The following CLYBL variants were observed in gnomAD, a reference collection of about 807,000 sequenced individuals.
The protein encoded by CLYBL is citramalyl-CoA lyase.
Under a neutral mutation model 38.9 loss-of-function variants are expected in CLYBL, and 31 were observed. The ratio of observed to expected loss-of-function variants is 0.80; its 90% CI spans 0.60 to 1.08. CLYBL has a LOEUF of 1.08. Ranked by LOEUF, CLYBL falls within the 50% of genes least tolerant of loss-of-function variation. CLYBL has a pLI of 0.00. For missense variants in CLYBL, 434 were observed against 411.6 expected (o/e 1.05, Z -0.47); for synonymous variants, 171 against 158.6 (o/e 1.08, Z -0.59).
chr13:99,835,206 A>T (rs1437008631), intron 2 of CLYBL, among the ~76,000 whole-genome samples: 1 of 152,244 alleles, frequency 6.6e-6, no homozygotes, highest in Non-Finnish European at 1.5e-5. Context: ...GTGCAGGCTA[A>T]GCTGCTACAA....
At chr13:99,684,476 TTAAA>T (rs2047789050) in intron 1 of CLYBL, among the ~76,000 whole-genome samples, 1 of 152,050 alleles carries the variant, frequency 6.6e-6, no homozygotes, top group African/African-American at 2.4e-5. Flanking sequence ...AACAAAAAAT[TTAAA>T]TAGAAAAGCT....
At chr13:99,651,022 C>T (rs115297943) in intron 1 of CLYBL, among the ~76,000 whole-genome samples, 2,079 of 152,322 alleles carry the variant, frequency 0.014, 51 homozygotes, top group African/African-American at 0.047. Context: ...CTGCTTCTCC[C>T]TACAGAGCCC....
At chr13:99,769,867 T>C (rs1291095850) in intron 1 of CLYBL, among the ~76,000 whole-genome samples, 3 of 138,906 alleles carry the variant, frequency 2.2e-5, no homozygotes, top group African/African-American at 5.9e-5. Flanking sequence ...CAAAAGACAG[T>C]GATTTTTCTT....
At chr13:99,659,361 G>T (rs2047377053) in intron 1 of CLYBL, among the ~76,000 whole-genome samples, 1 of 152,092 alleles carries the variant, frequency 6.6e-6, no homozygotes, top group Admixed American at 6.6e-5. Context: ...CAAAAGTTCC[G>T]TTAAGTGGGC....
chr13:99,686,499 GTATT>G (rs909833741), intron 1 of CLYBL, among the ~76,000 whole-genome samples: 1 of 120,136 alleles, frequency 8.3e-6, no homozygotes, highest in African/African-American at 3.2e-5. Context: ...AGACATAAAA[GTATT>G]TGTTTCAACA....
At chr13:99,765,599 A>C (rs553611932) in intron 1 of CLYBL, among the ~76,000 whole-genome samples, 1 of 152,182 alleles carries the variant, frequency 6.6e-6, no homozygotes, top group Admixed American at 6.5e-5. Context: ...GCTGGAATGC[A>C]GTGGTGTAAT....
intron 2 of CLYBL, among the ~76,000 whole-genome samples, chr13:99,782,468 G>A (rs2049678931): frequency 6.6e-6 from 1 of 152,068 alleles, no homozygotes; most frequent in African/African-American, 2.4e-5. Context: ...TCATACCATT[G>A]CACTCCAGCC....
intron 2 of CLYBL, among the ~76,000 whole-genome samples, chr13:99,819,808 G>A (rs919609515): frequency 6.6e-6 from 1 of 151,954 alleles, no homozygotes; most frequent in Non-Finnish European, 1.5e-5. Context: ...TCAACAGATT[G>A]GATGATGCCT....
chr13:99,892,851 C>G (rs961775387), downstream of CLYBL: 2 of 152,198 alleles, frequency 1.3e-5, no homozygotes, highest in African/African-American at 2.4e-5. Context: ...ACAGGAAGCC[C>G]GAGAGGTGAG....
chr13:99,674,122 T>C (rs975127152), intron 1 of CLYBL, among the ~76,000 whole-genome samples: 1 of 151,694 alleles, frequency 6.6e-6, no homozygotes, highest in Admixed American at 6.6e-5. Flanking sequence ...AGAATTCGTT[T>C]TTTTTTAGCT....
chr13:99,724,363 TATA>T (rs1007305593), intron 1 of CLYBL, among the ~76,000 whole-genome samples: 7 of 152,146 alleles, frequency 4.6e-5, no homozygotes, highest in African/African-American at 1.7e-4. Context: ...GATTGTAAAA[TATA>T]ATCTTGCATA....
At chr13:99,761,937 TC>T (rs1187968056) in intron 1 of CLYBL, among the ~76,000 whole-genome samples, 1 of 152,246 alleles carries the variant, frequency 6.6e-6, no homozygotes, top group Non-Finnish European at 1.5e-5. Context: ...TACCATTTTT[TC>T]ATATACTTGG....
intron 1 of CLYBL, among the ~76,000 whole-genome samples, chr13:99,680,659 C>G (rs542096192): frequency 6.6e-6 from 1 of 152,272 alleles, no homozygotes; most frequent in East Asian, 1.9e-4. Context: ...ACAGAATGGC[C>G]CACCAGGGTA....
intron 2 of CLYBL, among the ~76,000 whole-genome samples, chr13:99,855,573 A>C (rs1019838522): frequency 6.6e-6 from 1 of 152,196 alleles, no homozygotes; most frequent in Non-Finnish European, 1.5e-5. Flanking sequence ...CGCTGTTAGC[A>C]AGAAGTACAG....
chr13:99,819,206 A>G (rs2050523485), intron 2 of CLYBL, among the ~76,000 whole-genome samples: 2 of 150,578 alleles, frequency 1.3e-5, no homozygotes, highest in Non-Finnish European at 3.0e-5. Flanking sequence ...TTAGCCAGGT[A>G]TGGTAGCACA....
chr13:99,731,693 G>A (rs1294087731), intron 1 of CLYBL, among the ~76,000 whole-genome samples: 2 of 152,148 alleles, frequency 1.3e-5, no homozygotes, highest in Non-Finnish European at 2.9e-5. Context: ...TGGCTCTCAC[G>A]GACGTGCTGG....
intron 1 of CLYBL, among the ~76,000 whole-genome samples, chr13:99,745,888 G>GAA (rs11419451): frequency 1.1e-3 from 169 of 147,650 alleles, no homozygotes; most frequent in African/African-American, 1.5e-3. Flanking sequence ...TGGCTAAATA[G>GAA]AAAAAAAAAA....
intron 1 of CLYBL, among the ~76,000 whole-genome samples, chr13:99,638,943 G>A (rs1174160917): frequency 6.6e-6 from 1 of 152,180 alleles, no homozygotes; most frequent in Non-Finnish European, 1.5e-5. Context: ...GCTGAGCTGG[G>A]ATCGCAACCA....
At chr13:99,750,620 G>A (rs952942776) in intron 1 of CLYBL, among the ~76,000 whole-genome samples, 1 of 151,210 alleles carries the variant, frequency 6.6e-6, no homozygotes, top group African/African-American at 2.4e-5. Flanking sequence ...GTTGTGGTGA[G>A]CCGAGATCGT....
Sources: allele counts gnomAD v4.1 joint callset (sites outside exome capture counted in the v4.1 genomes callset), GRCh38; gene constraint gnomAD v4.1.1; transcripts MANE v1.5; gene names NCBI Gene and HGNC (gene_info 2026-07-23, HGNC 2026-07-21).